FEZ1: variants seen among roughly 807,000 people sequenced by gnomAD.
FEZ1 encodes the protein fasciculation and elongation protein zeta-1.
In FEZ1, 20 loss-of-function variants were observed where a neutral mutation model predicts 49.3. The ratio of observed to expected loss-of-function variants is 0.41; its 90% CI spans 0.29 to 0.59. The LOEUF (loss-of-function observed/expected upper bound fraction) is 0.59, where lower values mean the gene tolerates loss of function less well. Among genes scored for constraint, FEZ1 ranks in the 20% least tolerant of loss-of-function variants. The probability of loss-of-function intolerance (pLI) is 0.36; values close to 1 mark genes in which losing one functional copy is unlikely to be tolerated. For synonymous variants in FEZ1, 170 were observed against 180.9 expected (o/e 0.94, Z 0.48); for missense variants, 413 against 476.0 (o/e 0.87, Z 1.23).
At chr11:125,446,893 A>G (rs963788909) in intron 9 of FEZ1, among the ~76,000 whole-genome samples, 1 of 151,844 alleles carries the variant, frequency 6.6e-6, no homozygotes. Flanking sequence ...CAGGCTGGAC[A>G]AGTTATTTTT....
chr11:125,477,339 C>CA (rs34551090), intron 3 of FEZ1, among the ~76,000 whole-genome samples: 75,221 of 133,200 alleles, frequency 0.56, 20,206 homozygotes, highest in South Asian at 0.73. Flanking sequence ...ACCAAAAATA[C>CA]AAAAAAAAAA....
intron 3 of FEZ1, among the ~76,000 whole-genome samples, chr11:125,476,475 GA>G (rs35527430): frequency 0.016 from 2,359 of 152,064 alleles, 28 homozygotes; most frequent in Non-Finnish European, 0.023. Context: ...TAAATCTTCA[GA>G]AAAAATAATA....
Position 125,495,837 on chromosome 11 carries a change from A to G in FEZ1, c.-46+284T>C. ...ACACACACACACACACACACACACC[A>G]GGCCTGGCTGGAGGGCCGATGCTGA... On this transcript the variant is annotated intron_variant, in intron 1 of 9. Coordinates refer to ENST00000278919, the MANE Select transcript of FEZ1 (RefSeq NM_005103.5). The surrounding 1 kb of genome is among the most constrained non-coding windows in gnomAD (Gnocchi z 4.2). 3.4e-6 allele frequency: 1 copy of G among 296,064 alleles called. No homozygotes were observed. Among genetic ancestry groups the G allele is most frequent in the Non-Finnish European group, 6.5e-6 (1 of 154,664 alleles). The allele number at this position is 296,064 out of a possible 1,614,324, so 18.3% of individuals were successfully genotyped here. A position where few individuals can be genotyped will look rare whatever the true frequency, so the allele number is the denominator to read the frequency against.
In FEZ1 at chr11:125,496,261, G is replaced by C; in HGVS notation, c.-186C>G. 1 of 153,546 alleles carries C rather than the reference G, an allele frequency of 6.5e-6. No homozygotes were observed. Among genetic ancestry groups the C allele is most frequent in the Non-Finnish European group, 1.4e-5 (1 of 69,378 alleles). The allele number at this position is 153,546 out of a possible 1,614,324, so 9.5% of individuals were successfully genotyped here. A position where few individuals can be genotyped will look rare whatever the true frequency, so the allele number is the denominator to read the frequency against. On this transcript the variant is annotated 5_prime_UTR_variant, in exon 1 of 10. Transcript: ENST00000278919. ...CCAGCCAGCGAGCGCTCCCCGCGCA[G>C]CTCCGGCGGCGCCCGGCTCCGCTCC...
intron 3 of FEZ1, among the ~76,000 whole-genome samples, chr11:125,476,105 A>C (rs1314326998): frequency 1.3e-5 from 2 of 152,250 alleles, no homozygotes; most frequent in Non-Finnish European, 2.9e-5. Context: ...AAACTAATCT[A>C]CAACGACAGA....
intron 4 of FEZ1, among the ~76,000 whole-genome samples, chr11:125,461,820 G>A (rs1482396817): frequency 6.6e-6 from 1 of 152,072 alleles, no homozygotes; most frequent in African/African-American, 2.4e-5. Flanking sequence ...GGGGTTTCAG[G>A]GTCTCCTCCT....
intron 9 of FEZ1, among the ~76,000 whole-genome samples, chr11:125,448,020 G>C (rs6590145): frequency 0.14 from 21,213 of 152,050 alleles, 1,611 homozygotes; most frequent in East Asian, 0.28. Flanking sequence ...AAGCCTGGCC[G>C]GGACTTAATA....
Position 125,489,799 on chromosome 11 carries a change from C to G in FEZ1, c.-22G>C. 1 of 1,518,762 alleles carries G rather than the reference C, an allele frequency of 6.6e-7. No homozygotes were observed. Among genetic ancestry groups the G allele is most frequent in the East Asian group, 2.3e-5 (1 of 43,994 alleles). The allele number at this position is 1,518,762 out of a possible 1,614,324, so 94.1% of individuals were successfully genotyped here. A position where few individuals can be genotyped will look rare whatever the true frequency, so the allele number is the denominator to read the frequency against. ...CCATTCTTGCTCAGCAGGAGAACAACAGCGACTTTCAGGATGAGTTTATCT... is the reference window on the plus strand; with the variant it reads ...CCATTCTTGCTCAGCAGGAGAACAAGAGCGACTTTCAGGATGAGTTTATCT... On this transcript the variant is annotated 5_prime_UTR_variant, in exon 2 of 10. Coordinates refer to ENST00000278919, the MANE Select transcript of FEZ1 (RefSeq NM_005103.5). The surrounding 1 kb of genome is among the most constrained non-coding windows in gnomAD (Gnocchi z 4.2).
At chr11:125,481,719 G>A (rs1957280983) in intron 2 of FEZ1, 86 bp from the exon 3 acceptor site, 2 of 931,022 alleles carry the variant, frequency 2.1e-6, no homozygotes, top group Non-Finnish European at 3.6e-6. Flanking sequence ...GGAGAGGAGA[G>A]AGGCTTCTGT....
Position 125,460,572 on chromosome 11 carries a change from G to A in FEZ1, c.593C>T (p.Ser198Phe). 1.2e-6 allele frequency: 2 copies of A among 1,614,164 alleles called. No homozygotes were observed. The highest frequency in any genetic ancestry group is 1.1e-5 in the South Asian group (1 of 91,082). ...LEEEDGGETS[S>F]QADSVLLQEM... ...CTGCAGGAGGACCGAGTCTGCCTGG[G>A]AGGAAGTTTCTCCTCCATCCTCTTC... The change falls in exon 5 of 10, where the codon TCC becomes TTC. Residue 198 changes from serine to phenylalanine, a missense_variant. Transcript: ENST00000278919.
rs1591609620 is a variant in FEZ1 at position 125,495,887 on chromosome 11, C to T, written c.-46+234G>A. The stretch of plus-strand genomic sequence containing the variant: ...AGATGATACTGGAAGTGCCCATCAT[C>T]CCACATCTCCAGGGCCTGGCGCGGC... On this transcript the variant is annotated intron_variant, in intron 1 of 9. Transcript: ENST00000278919. The surrounding 1 kb of genome is among the most constrained non-coding windows in gnomAD (Gnocchi z 4.2). The T allele has an allele frequency of 3.5e-6, 1 of 288,890 alleles. No homozygotes were observed. Among genetic ancestry groups the T allele is most frequent in the African/African-American group, 2.3e-5 (1 of 43,972 alleles). 17.9% of individuals were successfully genotyped at this position (288,890 alleles called of 1,614,324 possible).
At chr11:125,457,509 T>C (rs75477455) in intron 5 of FEZ1, among the ~76,000 whole-genome samples, 38,603 of 127,182 alleles carry the variant, frequency 0.3, 6,886 homozygotes, top group South Asian at 0.44. Flanking sequence ...TGTATATATA[T>C]ACACATATAT....
chr11:125,452,215 A>G, intron 8 of FEZ1, 119 bp downstream of exon 8: 1 of 719,810 alleles, frequency 1.4e-6, no homozygotes, highest in East Asian at 2.5e-5. Context: ...TTTGGAGGGT[A>G]TTTTGGCCCA....
chr11:125,493,917 C>A (rs74878577), intron 1 of FEZ1, among the ~76,000 whole-genome samples: 7,198 of 152,274 alleles, frequency 0.047, 247 homozygotes, highest in Middle Eastern at 0.085. Flanking sequence ...GAATCTAGGA[C>A]TAAGACTGAG....
At chr11:125,460,079 GA>G (rs1469416372) in intron 5 of FEZ1, among the ~76,000 whole-genome samples, 1 of 151,930 alleles carries the variant, frequency 6.6e-6, no homozygotes, top group Admixed American at 6.6e-5. Flanking sequence ...CTGGGTGACA[GA>G]CAGAGAGAGA....
In FEZ1 at chr11:125,493,500, A is replaced by G. The variant is rs564044361; in HGVS notation, c.-46+2621T>C. On this transcript the variant is annotated intron_variant, in intron 1 of 9. Coordinates refer to ENST00000278919, the MANE Select transcript of FEZ1 (RefSeq NM_005103.5). ...AAAGAAGGAAAGAAGGAAAGAAAGA[A>G]AGAAAGAGAGAAAGAAAGAAAGAAA... Among the ~76,000 whole-genome samples, 294 of 106,558 alleles carry G rather than the reference A, an allele frequency of 2.8e-3. 3 individuals are homozygous for G. Among genetic ancestry groups the G allele is most frequent in the Middle Eastern group, 9.3e-3 (2 of 214 alleles). 69.9% of individuals were successfully genotyped at this position (106,558 alleles called of 152,430 possible).
chr11:125,454,929 G>A (rs1254495661), intron 6 of FEZ1, among the ~76,000 whole-genome samples: 1 of 150,452 alleles, frequency 6.6e-6, no homozygotes, highest in Non-Finnish European at 1.5e-5. Context: ...CAGGAGAATC[G>A]CTTGAACCCG....
chr11:125,458,927 G>A (rs375375713), intron 5 of FEZ1, among the ~76,000 whole-genome samples: 5 of 152,134 alleles, frequency 3.3e-5, no homozygotes, highest in Admixed American at 2.0e-4. Flanking sequence ...TTAGCCAGGC[G>A]TAGTGGTGCA....
chr11:125,454,825 C>G (rs1477107109), intron 6 of FEZ1, among the ~76,000 whole-genome samples: 1 of 151,576 alleles, frequency 6.6e-6, no homozygotes, highest in African/African-American at 2.4e-5. Context: ...ACCAGCCTGA[C>G]CAACATGGTG....
Sources: allele counts gnomAD v4.1 joint callset (sites outside exome capture counted in the v4.1 genomes callset), GRCh38; gene constraint gnomAD v4.1.1; non-coding constraint Gnocchi (gnomAD v3.1); transcripts MANE v1.5; gene names NCBI Gene and HGNC (gene_info 2026-07-23, HGNC 2026-07-21).